The following ST8SIA4 variants were observed in gnomAD, a reference collection of about 807,000 sequenced individuals.
The protein encoded by ST8SIA4 is ST8 alpha-N-acetyl-neuraminide alpha-2,8-sialyltransferase 4.
A neutral mutation model predicts 33.9 loss-of-function variants in ST8SIA4; 15 were observed. The observed-to-expected ratio is 0.44, with a 90% confidence interval of 0.30 to 0.68. ST8SIA4 has a LOEUF of 0.68. Among genes scored for constraint, ST8SIA4 ranks in the 30% least tolerant of loss-of-function variants. The probability of loss-of-function intolerance (pLI) is 0.10; values close to 1 mark genes in which losing one functional copy is unlikely to be tolerated. For synonymous variants in ST8SIA4, 171 were observed against 151.2 expected (o/e 1.13, Z -0.96); for missense variants, 321 against 428.0 (o/e 0.75, Z 2.21).
intron 4 of ST8SIA4, among the ~76,000 whole-genome samples, chr5:100,815,233 A>T (rs1750891128): frequency 6.6e-6 from 1 of 152,018 alleles, no homozygotes; most frequent in African/African-American, 2.4e-5. Flanking sequence ...AAAATCTAAG[A>T]AAAACATTAC....
At chr5:100,878,966 C>G (rs1561403702) in intron 3 of ST8SIA4, among the ~76,000 whole-genome samples, 1 of 152,152 alleles carries the variant, frequency 6.6e-6, no homozygotes, top group South Asian at 2.1e-4. Flanking sequence ...ACAACAGATG[C>G]CAAATCTATA....
In ST8SIA4 at chr5:100,903,195, G is replaced by A. The variant is rs1580494062; in HGVS notation, c.-240C>T. The A allele has an allele frequency of 5.7e-6, 3 of 530,116 alleles. No homozygotes were observed. The highest frequency in any genetic ancestry group is 1.0e-5 in the Non-Finnish European group (3 of 298,856). The allele number at this position is 530,116 out of a possible 1,614,324, so 32.8% of individuals were successfully genotyped here. A position where few individuals can be genotyped will look rare whatever the true frequency, so the allele number is the denominator to read the frequency against. On this transcript the variant is annotated 5_prime_UTR_variant, in exon 1 of 5. Transcript: ENST00000231461. ...AGCTCTGCCAGGGTCGCTCCGCGCC[G>A]CCTCCCTGGGGCTCAGGTTTCTTTT...
chr5:100,883,690 T>C (rs943475160), intron 3 of ST8SIA4, among the ~76,000 whole-genome samples: 1 of 152,212 alleles, frequency 6.6e-6, no homozygotes, highest in Non-Finnish European at 1.5e-5. Context: ...CAGTTTCCCC[T>C]ATACTGTTCT....
chr5:100,846,403 T>G (rs1282134830), intron 4 of ST8SIA4, among the ~76,000 whole-genome samples: 1 of 152,032 alleles, frequency 6.6e-6, no homozygotes, highest in Non-Finnish European at 1.5e-5. Context: ...TTATGCTTCT[T>G]ATTAGTTATA....
rs1463588056 is a variant in ST8SIA4, at chr5:100,869,493, T to G, written c.504-13097A>C. Among the ~76,000 whole-genome samples the G allele has an allele frequency of 2.0e-5, 3 of 152,176 alleles. 1 individual carries two copies. The East Asian group carries it at 5.8e-4, about 29-fold the overall frequency. ...ACTTTCTGCTATGATCTGAATGTCA[T>G]CACTTTTTTCCTCCTCTAATATCTT... On this transcript the variant is annotated intron_variant, in intron 3 of 4. Transcript: ENST00000231461.
rs530192549 is a variant in ST8SIA4 at position 100,824,876 on chromosome 5, A to G, written c.798-12747T>C. Among the ~76,000 whole-genome samples, 458 of 141,244 alleles carry G rather than the reference A, an allele frequency of 3.2e-3. 3 individuals carry two copies. Among genetic ancestry groups the G allele is most frequent in the Middle Eastern group, 7.0e-3 (2 of 284 alleles). The allele number at this position is 141,244 out of a possible 152,430, so 92.7% of individuals were successfully genotyped here. ...AAGGTGTGAGACCAGCCTGGGCAAC[A>G]TAGCAAGACCCTGTCTTGACAAAAA... On this transcript the variant is annotated intron_variant, in intron 4 of 4. Coordinates refer to ENST00000231461, the MANE Select transcript of ST8SIA4 (RefSeq NM_005668.6).
intron 4 of ST8SIA4, among the ~76,000 whole-genome samples, chr5:100,823,023 C>T (rs1042248100): frequency 7.9e-5 from 12 of 151,880 alleles, no homozygotes; most frequent in African/African-American, 2.7e-4. Context: ...CCCAGCTACT[C>T]GGGGGGCTGA....
chr5:100,895,245 G>A (rs538055119), intron 2 of ST8SIA4, among the ~76,000 whole-genome samples: 42 of 152,050 alleles, frequency 2.8e-4, no homozygotes, highest in South Asian at 6.2e-4. Flanking sequence ...ATTTATAATC[G>A]TCAGCACAAT....
chr5:100,853,740 A>G (rs1457288016), intron 4 of ST8SIA4, among the ~76,000 whole-genome samples: 1 of 152,206 alleles, frequency 6.6e-6, no homozygotes, highest in Non-Finnish European at 1.5e-5. Context: ...TTCACTGTTA[A>G]TCATATATAA....
chr5:100,841,041 G>A (rs1346204457), intron 4 of ST8SIA4, among the ~76,000 whole-genome samples: 1 of 151,712 alleles, frequency 6.6e-6, no homozygotes, highest in Non-Finnish European at 1.5e-5. Context: ...CAAAATAAGG[G>A]AAATGCAAAA....
At chr5:100,862,361 TAAG>T (rs1751964085) in intron 3 of ST8SIA4, among the ~76,000 whole-genome samples, 1 of 152,154 alleles carries the variant, frequency 6.6e-6, no homozygotes, top group Non-Finnish European at 1.5e-5. Context: ...ATTGTTGCTC[TAAG>T]AAGAATACTT....
intron 3 of ST8SIA4, among the ~76,000 whole-genome samples, chr5:100,858,360 T>A (rs897480308): frequency 6.6e-6 from 1 of 152,052 alleles, no homozygotes; most frequent in Non-Finnish European, 1.5e-5. Context: ...TAATTTCTTT[T>A]TAGAGGATTC....
intron 4 of ST8SIA4, among the ~76,000 whole-genome samples, chr5:100,843,003 C>T (rs1268287043): frequency 6.6e-6 from 1 of 151,804 alleles, no homozygotes; most frequent in Non-Finnish European, 1.5e-5. Context: ...GATGCTATAG[C>T]TTAATGAACA....
At chr5:100,841,516 G>T (rs1580457694) in intron 4 of ST8SIA4, among the ~76,000 whole-genome samples, 1 of 151,932 alleles carries the variant, frequency 6.6e-6, no homozygotes, top group East Asian at 1.9e-4. Flanking sequence ...CCTCTAGAGG[G>T]TATTTAAACA....
At chr5:100,865,644 GT>G (rs991682833) in intron 3 of ST8SIA4, among the ~76,000 whole-genome samples, 6 of 151,818 alleles carry the variant, frequency 4.0e-5, no homozygotes, top group Admixed American at 1.3e-4. Flanking sequence ...TAAACTTCTT[GT>G]TTTTTTCTTT....
Position 100,811,720 on chromosome 5 carries a change from A to G in ST8SIA4, c.*127T>C. 2 of 935,362 alleles carry G rather than the reference A, an allele frequency of 2.1e-6. No individual in the cohort carries two copies. Among genetic ancestry groups the G allele is most frequent in the Non-Finnish European group, 3.1e-6 (2 of 636,948 alleles). The allele number at this position is 935,362 out of a possible 1,614,324, so 57.9% of individuals were successfully genotyped here. A position where few individuals can be genotyped will look rare whatever the true frequency, so the allele number is the denominator to read the frequency against. On this transcript the variant is annotated 3_prime_UTR_variant, in exon 5 of 5. Transcript: ENST00000231461. ...ATCAGCTGGTAGTCGATTTCTCATG[A>G]ACGTCCTTTATTCACCTTTCAGTTC...
At chr5:100,850,954 C>CTTTTT (rs70987828) in intron 4 of ST8SIA4, among the ~76,000 whole-genome samples, 18 of 75,094 alleles carry the variant, frequency 2.4e-4, no homozygotes, top group African/African-American at 4.5e-4. Context: ...TGTAACCATA[C>CTTTTT]TTTTTTTTTT....
At chr5:100,820,115 A>G (rs1751007466) in intron 4 of ST8SIA4, among the ~76,000 whole-genome samples, 1 of 152,152 alleles carries the variant, frequency 6.6e-6, no homozygotes, top group Non-Finnish European at 1.5e-5. Flanking sequence ...ACATATTAGG[A>G]CCCAGTTTAC....
At chr5:100,837,311 C>T (rs1345265623) in intron 4 of ST8SIA4, among the ~76,000 whole-genome samples, 1 of 152,016 alleles carries the variant, frequency 6.6e-6, no homozygotes, top group East Asian at 1.9e-4. Context: ...GTGATGAAGT[C>T]TGTAAAAGCT....
Sources: allele counts gnomAD v4.1 joint callset (sites outside exome capture counted in the v4.1 genomes callset), GRCh38; gene constraint gnomAD v4.1.1; transcripts MANE v1.5; gene names NCBI Gene and HGNC (gene_info 2026-07-23, HGNC 2026-07-21).